DLGAP2: variants seen among roughly 807,000 people sequenced by gnomAD.
DLGAP2 encodes the protein DLG associated protein 2.
DLGAP2 carries 26 observed loss-of-function variants against 100.3 expected under a neutral mutation model. That is an observed-to-expected ratio of 0.26 (90% CI 0.19 to 0.36). The LOEUF (loss-of-function observed/expected upper bound fraction) is 0.36. Ranked by LOEUF, DLGAP2 falls within the 10% of genes least tolerant of loss-of-function variation. The probability of loss-of-function intolerance (pLI) is 1.00; values close to 1 mark genes in which losing one functional copy is unlikely to be tolerated. For synonymous variants in DLGAP2, 886 were observed against 630.1 expected (o/e 1.41, Z -6.08); for missense variants, 1,858 against 1,453.2 (o/e 1.28, Z -4.53).
chr8:1,309,585 G>C (rs146900278), intron 3 of DLGAP2, among the ~76,000 whole-genome samples: 2,693 of 152,290 alleles, frequency 0.018, 29 homozygotes, highest in South Asian at 0.031. Context: ...ATGCGAAAGG[G>C]AACCTTGCAG....
intron 3 of DLGAP2, among the ~76,000 whole-genome samples, chr8:1,377,349 C>T (rs1236626257): frequency 1.3e-5 from 2 of 152,312 alleles, no homozygotes; most frequent in South Asian, 2.1e-4. Flanking sequence ...TCGAGACCAT[C>T]CTGGGTAATA....
rs545620634 is a variant in DLGAP2 at position 1,523,790 on chromosome 8, A to G, written c.172+22359A>G. On this transcript the variant is annotated intron_variant, in intron 4 of 14. Coordinates refer to ENST00000637795, the MANE Select transcript of DLGAP2 (RefSeq NM_001346810.2). Reference sequence around the variant, plus strand: ...AAAGACAAGCTCCCGAGGGCCATCCATGGTGGCCTCCCAGCAGTTCCTGCA... The same window carrying G: ...AAAGACAAGCTCCCGAGGGCCATCCGTGGTGGCCTCCCAGCAGTTCCTGCA... Among the ~76,000 whole-genome samples, 14 of 152,340 alleles carry G rather than the reference A, an allele frequency of 9.2e-5. No individual in the cohort carries two copies. In the South Asian group the frequency reaches 2.9e-3, roughly 32 times the overall value.
chr8:1,287,694 AGTGTGTGTGTGTGT>A (rs1271962722), intron 3 of DLGAP2, among the ~76,000 whole-genome samples: 31 of 57,754 alleles, frequency 5.4e-4, no homozygotes, highest in South Asian at 1.5e-3. Flanking sequence ...GTTTCGGTTC[AGTGTGTGTGTGTGT>A]GTGTGTGTGT....
chr8:1,343,726 C>T (rs1279312354), intron 3 of DLGAP2, among the ~76,000 whole-genome samples: 2 of 151,750 alleles, frequency 1.3e-5, no homozygotes, highest in African/African-American at 4.8e-5. Context: ...GTGTTAGAGG[C>T]TCCGATGTGC....
intron 2 of DLGAP2, among the ~76,000 whole-genome samples, chr8:944,479 C>T (rs369744509): frequency 1.3e-5 from 2 of 150,062 alleles, no homozygotes; most frequent in African/African-American, 4.9e-5. Context: ...GGGTGGTAAC[C>T]AGTCCCTGTG....
chr8:1,549,327 G>T lies in DLGAP2; in HGVS notation c.874G>T (p.Gly292Cys). 6.2e-7 allele frequency: 1 copy of T among 1,613,138 alleles called. No homozygotes were observed. The change falls in exon 5 of 15, where the codon GGC becomes TGC. Residue 292 changes from glycine to cysteine, a missense_variant. Gly to Cys is a radical substitution (Grantham distance 159). Transcript: ENST00000637795. The part of the protein sequence containing the change: ...ERKPEGKPRP[G>C]MSSWWSSDDN... ...CAAGCCGGAGGGCAAGCCCCGGCCC[G>T]GCATGAGCAGCTGGTGGAGCTCGGA...
At chr8:1,256,196 TCCTCTCATGCCCGGGTGCTGTGTGTGTGC>T (rs1799208993) in intron 2 of DLGAP2, among the ~76,000 whole-genome samples, 4 of 132,712 alleles carry the variant, frequency 3.0e-5, no homozygotes, top group South Asian at 2.9e-4. Context: ...GCTGTGTGTG[TCCTCTCATGCCCGGGTGCTGTGTGTGTGC>T]CCTCTCCTGC....
At chr8:1,454,401 G>A (rs907981097) in intron 3 of DLGAP2, among the ~76,000 whole-genome samples, 5 of 151,696 alleles carry the variant, frequency 3.3e-5, no homozygotes, top group Admixed American at 1.3e-4. Flanking sequence ...CCGTCCCTGC[G>A]TGAGTTTGAG....
At position 827,607 on chromosome 8, in the gene DLGAP2, C is replaced by A. The variant is rs149989677; in HGVS notation, c.19-80305C>A. On this transcript the variant is annotated intron_variant, in intron 1 of 14. Coordinates refer to ENST00000637795, the MANE Select transcript of DLGAP2 (RefSeq NM_001346810.2). ...GCTTAGACAAGCATAAGAACGACTG[C>A]ATTTTGATATTTTGTCTCATTTGAA... Among the ~76,000 whole-genome samples the A allele has an allele frequency of 3.6e-4, 55 of 152,294 alleles. 1 individual carries two copies. Among genetic ancestry groups the A allele is most frequent in the African/African-American group, 6.5e-4 (27 of 41,568 alleles).
intron 8 of DLGAP2, among the ~76,000 whole-genome samples, chr8:1,658,319 C>T (rs1798331273): frequency 6.6e-6 from 1 of 152,162 alleles, no homozygotes; most frequent in Non-Finnish European, 1.5e-5. Flanking sequence ...CATATGAAAG[C>T]TCCTAGTCTG....
intron 2 of DLGAP2, among the ~76,000 whole-genome samples, chr8:1,058,177 G>T (rs965485739): frequency 1.3e-5 from 2 of 151,910 alleles, no homozygotes; most frequent in Admixed American, 1.3e-4. Flanking sequence ...GGGCGCGGCC[G>T]GATTGACTAG....
At chr8:1,373,281 G>A (rs1289887693) in intron 3 of DLGAP2, among the ~76,000 whole-genome samples, 4 of 151,914 alleles carry the variant, frequency 2.6e-5, no homozygotes, top group African/African-American at 7.2e-5. Flanking sequence ...CGTGCGGCCC[G>A]GAGGGTGTCG....
At chr8:849,528 A>G (rs1797141238) in intron 1 of DLGAP2, among the ~76,000 whole-genome samples, 1 of 152,190 alleles carries the variant, frequency 6.6e-6, no homozygotes, top group Non-Finnish European at 1.5e-5. Flanking sequence ...GAAGCTGCCA[A>G]GCTGCTTTCC....
At chr8:767,251 C>T (rs1017645378) in intron 1 of DLGAP2, among the ~76,000 whole-genome samples, 8 of 152,072 alleles carry the variant, frequency 5.3e-5, no homozygotes, top group African/African-American at 1.9e-4. Context: ...AACACAGGAA[C>T]ACCAGCCTGG....
intron 11 of DLGAP2, among the ~76,000 whole-genome samples, chr8:1,677,566 G>A (rs59811079): frequency 0.41 from 61,748 of 151,988 alleles, 14,204 homozygotes; most frequent in African/African-American, 0.61. Context: ...GCATACCCAC[G>A]TGCACACACA....
At chr8:1,172,047 C>G (rs923271588) in intron 2 of DLGAP2, among the ~76,000 whole-genome samples, 41 of 151,970 alleles carry the variant, frequency 2.7e-4, no homozygotes, top group African/African-American at 9.7e-4. Flanking sequence ...ATGTTTAGTG[C>G]TTCCTTCAGG....
At chr8:892,951 A>C (rs575523347) in intron 1 of DLGAP2, 2 of 143,432 alleles carry the variant, frequency 1.4e-5, no homozygotes, top group African/African-American at 5.1e-5. Context: ...CCTGGTCTGC[A>C]TCCTGCCTCT....
chr8:1,320,164 G>C (rs1800862357), intron 3 of DLGAP2, among the ~76,000 whole-genome samples: 2 of 152,100 alleles, frequency 1.3e-5, no homozygotes. Context: ...TTCCAGCTGA[G>C]TGTTGAGTCC....
At chr8:983,107 A>T (rs1237764927) in intron 2 of DLGAP2, among the ~76,000 whole-genome samples, 1 of 152,206 alleles carries the variant, frequency 6.6e-6, no homozygotes, top group Non-Finnish European at 1.5e-5. Context: ...GACCTGACGG[A>T]CTAGCCGGCC....
Sources: allele counts gnomAD v4.1 joint callset (sites outside exome capture counted in the v4.1 genomes callset), GRCh38; gene constraint gnomAD v4.1.1; transcripts MANE v1.5; gene names NCBI Gene and HGNC (gene_info 2026-07-23, HGNC 2026-07-21).